Variants in ADGRL1 observed in about 807,000 individuals in gnomAD.
The protein encoded by ADGRL1 is adhesion G protein-coupled receptor L1.
In ADGRL1, 31 loss-of-function variants were observed where a neutral mutation model predicts 148.9. That is an observed-to-expected ratio of 0.21 (90% confidence interval 0.16 to 0.28). ADGRL1 has a LOEUF of 0.28. Ranked by LOEUF, ADGRL1 falls within the 10% of genes least tolerant of loss-of-function variation. ADGRL1 has a pLI of 1.00. For missense variants in ADGRL1, 1,521 were observed against 2,058.8 expected, an observed-to-expected ratio of 0.74 and a Z score of 5.05; for synonymous variants, 937 against 900.3, an observed-to-expected ratio of 1.04 and a Z score of -0.73.
Position 14,150,800 on chromosome 19 carries a change from C to A in ADGRL1, c.*73G>T. 1 of 1,538,260 alleles carries A rather than the reference C, an allele frequency of 6.5e-7. No individual in the cohort carries two copies. Among genetic ancestry groups the A allele is most frequent in the Non-Finnish European group, 8.8e-7 (1 of 1,140,480 alleles). On this transcript the variant is annotated 3_prime_UTR_variant, in exon 23 of 23. Transcript: ENST00000361434. ...ACCAGCCACTGCCTCCATCTGTCTC[C>A]CTCTCCCACCAGAGCCCTGCCCAGG... is the stretch of plus-strand genomic sequence containing the variant.
chr19:14,183,643 T>G lies in ADGRL1; in HGVS notation c.-41A>C. 2 of 1,526,036 alleles carry G rather than the reference T, an allele frequency of 1.3e-6. No individual in the cohort carries two copies. The highest frequency in any genetic ancestry group is 1.8e-6 in the Non-Finnish European group (2 of 1,126,394). The allele number at this position is 1,526,036 out of a possible 1,614,324, so 94.5% of individuals were successfully genotyped here. ...CGTGTCCGGAGCTCTCAGTGGCCTG[T>G]GCGGGGGGCTTTGCCCCACATCACC... On this transcript the variant is annotated 5_prime_UTR_variant, in exon 2 of 23. Transcript: ENST00000361434.
At chr19:14,172,355 G>A (rs1200920787) in intron 3 of ADGRL1, among the ~76,000 whole-genome samples, 1 of 152,132 alleles carries the variant, frequency 6.6e-6, no homozygotes, top group Non-Finnish European at 1.5e-5. Flanking sequence ...CCAGGAGGCG[G>A]AGGTTGCAGT....
intron 1 of ADGRL1, among the ~76,000 whole-genome samples, chr19:14,197,407 C>G (rs1241717455): frequency 1.3e-5 from 2 of 152,036 alleles, no homozygotes; most frequent in Non-Finnish European, 2.9e-5. Flanking sequence ...GCCACCCCGT[C>G]CCATCCAGTC....
Position 14,167,007 on chromosome 19 carries a change from T to C in ADGRL1, c.395-3601A>G, listed in dbSNP as rs200635804. 1.8e-3 allele frequency: 2,944 copies of C among 1,611,958 alleles called. 64 individuals carry two copies. The South Asian group carries it at 0.031, about 17-fold the overall frequency. On this transcript the variant is annotated intron_variant, in intron 4 of 22. Transcript: ENST00000361434. ...AGTTAGGGGTTAGCATTGGTAACAG[T>C]GCGTTTACCTTTCTGCTCCACTTCT...
intron 1 of ADGRL1, chr19:14,191,525 G>A (rs984129524): frequency 2.5e-5 from 11 of 444,780 alleles, no homozygotes; most frequent in African/African-American, 8.0e-5. Context: ...TAGACTGCGC[G>A]GCTTACACAG....
rs1969104825 is a variant in ADGRL1 at position 14,159,361 on chromosome 19, G to A, written c.2023+40C>T. 1.3e-6 allele frequency: 2 copies of A among 1,581,310 alleles called. No homozygotes were observed. The highest frequency in any genetic ancestry group is 1.7e-6 in the Non-Finnish European group (2 of 1,159,744). On this transcript the variant is annotated intron_variant, in intron 10 of 22. Transcript: ENST00000361434. This position sits in a 1 kb window ranked among gnomAD's most constrained non-coding sequence, Gnocchi z 6.0. Reference sequence around the variant, plus strand: ...CCAGGCCAGAACCCCGTGGTTTAAGGTTCGTATCTGAGTTTGCCCTGGGTG... The same window carrying A: ...CCAGGCCAGAACCCCGTGGTTTAAGATTCGTATCTGAGTTTGCCCTGGGTG...
At chr19:14,202,091 C>T (rs1330350131) in intron 1 of ADGRL1, among the ~76,000 whole-genome samples, 1 of 151,930 alleles carries the variant, frequency 6.6e-6, no homozygotes, top group Non-Finnish European at 1.5e-5. Context: ...GGACGAGCAA[C>T]GAGGAGGGAG....
Position 14,161,197 on chromosome 19 carries a change from C to G in ADGRL1, c.1510+115G>C. The G allele has an allele frequency of 9.4e-7, 1 of 1,066,296 alleles. No homozygotes were observed. Among genetic ancestry groups the G allele is most frequent in the Admixed American group, 3.3e-5 (1 of 29,936 alleles). The allele number at this position is 1,066,296 out of a possible 1,614,324, so 66.1% of individuals were successfully genotyped here. ...CTCTGCTGGTCACTGGGGATGACCC[C>G]TGCCCTCAGAAAACCTCTGCTCCGC... On this transcript the variant is annotated intron_variant, in intron 6 of 22. Coordinates refer to ENST00000361434, the MANE Select transcript of ADGRL1 (RefSeq NM_014921.5). This position sits in a 1 kb window ranked among gnomAD's most constrained non-coding sequence, Gnocchi z 4.4.
At position 14,160,387 on chromosome 19, in the gene ADGRL1, CTA is replaced by C; in HGVS notation, c.1615-92_1615-91del. 1.6e-6 allele frequency: 2 copies of C among 1,223,746 alleles called. No individual in the cohort carries two copies. The highest frequency in any genetic ancestry group is 2.3e-6 in the Non-Finnish European group (2 of 876,960). The allele number at this position is 1,223,746 out of a possible 1,614,324, so 75.8% of individuals were successfully genotyped here. A position where few individuals can be genotyped will look rare whatever the true frequency, so the allele number is the denominator to read the frequency against. On this transcript the variant is annotated intron_variant, in intron 7 of 22. Transcript: ENST00000361434. The surrounding 1 kb of genome is among the most constrained non-coding windows in gnomAD (Gnocchi z 5.9). ...GCTTCCCTGGCCTGTGCAGCCTCTCCTATCTCTCTCTCCACTTCCCCATCGCC... is the reference window on the plus strand; with the variant it reads ...GCTTCCCTGGCCTGTGCAGCCTCTCCTCTCTCTCTCCACTTCCCCATCGCC...
At position 14,160,750 on chromosome 19, in the gene ADGRL1, G is replaced by T; in HGVS notation, c.1511-54C>A. Reference sequence around the variant, plus strand: ...AAGGGAGCCAAAGGGAAGAAGAGAAGGATGGGACAGAGAGGGGGAAAGGAG... The same window carrying T: ...AAGGGAGCCAAAGGGAAGAAGAGAATGATGGGACAGAGAGGGGGAAAGGAG... On this transcript the variant is annotated intron_variant, in intron 6 of 22. Transcript: ENST00000361434. This position sits in a 1 kb window ranked among gnomAD's most constrained non-coding sequence, Gnocchi z 5.9. 2 of 1,030,240 alleles carry T rather than the reference G, an allele frequency of 1.9e-6. No individual in the cohort carries two copies. The highest frequency in any genetic ancestry group is 3.0e-6 in the Non-Finnish European group (2 of 657,080). 63.8% of individuals were successfully genotyped at this position (1,030,240 alleles called of 1,614,324 possible).
At position 14,156,208 on chromosome 19, in the gene ADGRL1, G is replaced by A. The variant is rs1320881387; in HGVS notation, c.3034-7C>T. ...TGAGGAACACCAGGTTGACCTGGGG[G>A]CGGGACAAGGGGCAGGCTGGGCTGA... On this transcript the variant is annotated splice_region_variant and splice_polypyrimidine_tract_variant and intron_variant, in intron 16 of 22. Coordinates refer to ENST00000361434, the MANE Select transcript of ADGRL1 (RefSeq NM_014921.5). 1.2e-5 allele frequency: 20 copies of A among 1,608,106 alleles called. No homozygotes were observed. Among genetic ancestry groups the A allele is most frequent in the Non-Finnish European group, 1.7e-5 (20 of 1,176,634 alleles).
chr19:14,183,391 TG>T, intron 2 of ADGRL1, 141 bp downstream of exon 2: 1 of 733,058 alleles, frequency 1.4e-6, no homozygotes, highest in Non-Finnish European at 2.2e-6. Flanking sequence ...AGTCTTCCAC[TG>T]GCCTGCTCCA....
In ADGRL1 at chr19:14,162,368, G is replaced by A. The variant is rs1969483093; in HGVS notation, c.1195+238C>T. ...TAACTTAATCCCCTACCCACACAGA[G>A]CCTCAGTGTCATCTGTAAAACAGGG... On this transcript the variant is annotated intron_variant, in intron 5 of 22. Transcript: ENST00000361434. This position sits in a 1 kb window ranked among gnomAD's most constrained non-coding sequence, Gnocchi z 5.4. 6.6e-6 allele frequency among the ~76,000 whole-genome samples: 1 copy of A among 152,204 alleles called. No individual in the cohort carries two copies. The highest frequency in any genetic ancestry group is 2.4e-5 in the African/African-American group (1 of 41,426).
intron 2 of ADGRL1, among the ~76,000 whole-genome samples, chr19:14,179,205 A>T (rs1241360021): frequency 6.6e-6 from 1 of 150,652 alleles, no homozygotes; most frequent in Non-Finnish European, 1.5e-5. Flanking sequence ...AAAAATAAAA[A>T]AAAAATAGGT....
chr19:14,156,457 C>T (rs1599395757), intron 16 of ADGRL1, among the ~76,000 whole-genome samples: 1 of 151,938 alleles, frequency 6.6e-6, no homozygotes, highest in East Asian at 1.9e-4. Flanking sequence ...TCACAGCCCC[C>T]CAGGCGAGCA....
In ADGRL1 at chr19:14,157,323, G is replaced by A. The variant is rs749545219; in HGVS notation, c.2673C>T (p.His891=). The part of the protein sequence containing the change: ...RGLQTDRNTI[H]KNLCINLFLA... ...GGAAGAGGTTGATGCACAGGTTCTT[G>A]TGGATGGTGTTGCGGTCGGTCTGCA... The change falls in exon 14 of 23, where the codon CAC becomes CAT. Residue 891 remains histidine, a synonymous_variant. Coordinates refer to ENST00000361434, the MANE Select transcript of ADGRL1 (RefSeq NM_014921.5). This position sits in a 1 kb window ranked among gnomAD's most constrained non-coding sequence, Gnocchi z 7.5. 6.2e-7 allele frequency: 1 copy of A among 1,614,224 alleles called. No homozygotes were observed. The highest frequency in any genetic ancestry group is 1.1e-5 in the South Asian group (1 of 91,090).
intron 1 of ADGRL1, among the ~76,000 whole-genome samples, chr19:14,203,505 G>A (rs1306432530): frequency 6.6e-6 from 1 of 152,112 alleles, no homozygotes; most frequent in Non-Finnish European, 1.5e-5. Flanking sequence ...AGATGCAAGC[G>A]TCACACAGCC....
At chr19:14,178,722 T>C (rs1970988541) in intron 2 of ADGRL1, among the ~76,000 whole-genome samples, 1 of 152,170 alleles carries the variant, frequency 6.6e-6, no homozygotes, top group South Asian at 2.1e-4. Flanking sequence ...CCCTTTTCTA[T>C]GTTGCCCAAG....
At chr19:14,158,915 C>T (rs1171539645) in intron 11 of ADGRL1, among the ~76,000 whole-genome samples, 175 bp downstream of exon 11, 2 of 152,196 alleles carry the variant, frequency 1.3e-5, no homozygotes, top group Non-Finnish European at 2.9e-5. Flanking sequence ...AACTGTAAGG[C>T]TCACCCTTAG....
Sources: gnomAD v4.1 joint callset for allele counts (sites outside exome capture counted in the v4.1 genomes callset) on GRCh38, gnomAD v4.1.1 for gene constraint, Gnocchi (gnomAD v3.1) non-coding constraint, MANE v1.5 for transcripts, NCBI Gene and HGNC (gene_info 2026-07-23, HGNC 2026-07-21) for gene names.